The following SLC30A4 variants were observed in gnomAD, a reference collection of about 807,000 sequenced individuals.
SLC30A4 encodes the protein probable proton-coupled zinc antiporter SLC30A4.
A neutral mutation model predicts 41.7 loss-of-function variants in SLC30A4; 20 were observed. The ratio of observed to expected loss-of-function variants is 0.48; its 90% CI spans 0.34 to 0.70. The LOEUF (loss-of-function observed/expected upper bound fraction) is 0.70. Among genes scored for constraint, SLC30A4 ranks in the 30% least tolerant of loss-of-function variants. The pLI, the probability that SLC30A4 is intolerant of heterozygous loss-of-function variation, is 0.01. For missense variants in SLC30A4, 441 were observed against 529.3 expected (o/e 0.83, Z 1.64); for synonymous variants, 181 against 195.9 (o/e 0.92, Z 0.64).
rs372042001 is a variant in SLC30A4, at chr15:45,510,720, CA to C, written c.538+417del. On this transcript the variant is annotated intron_variant, in intron 3 of 7. Coordinates refer to ENST00000261867, the MANE Select transcript of SLC30A4 (RefSeq NM_013309.6). ...TTGATACGATGGCTGCAGTCAAGTT[CA>C]GCCACACAGCATACATTATACCTGT... Among the ~76,000 whole-genome samples the C allele has an allele frequency of 1.6e-3, 237 of 152,318 alleles. 7 individuals are homozygous for C. In the South Asian group the frequency reaches 0.045, roughly 29 times the overall value.
At chr15:45,494,901 G>A (rs937296686) in intron 3 of SLC30A4, among the ~76,000 whole-genome samples, 1 of 152,052 alleles carries the variant, frequency 6.6e-6, no homozygotes, top group African/African-American at 2.4e-5. Flanking sequence ...GCTCACACCT[G>A]TAATCCCTGC....
intron 2 of SLC30A4, 51 bp from the exon 3 acceptor site, chr15:45,511,335 G>T: frequency 2.2e-6 from 3 of 1,374,182 alleles, no homozygotes; most frequent in Non-Finnish European, 2.0e-6. Flanking sequence ...TTTTAAAAAA[G>T]CAAGCAATCA....
intron 3 of SLC30A4, among the ~76,000 whole-genome samples, chr15:45,501,658 G>A (rs1194504393): frequency 6.6e-5 from 10 of 151,886 alleles, no homozygotes; most frequent in African/African-American, 1.9e-4. Flanking sequence ...ATGCCACCAT[G>A]GCTGGCTAAT....
At chr15:45,511,860 T>C (rs750255956) in intron 2 of SLC30A4, among the ~76,000 whole-genome samples, 2 of 152,208 alleles carry the variant, frequency 1.3e-5, no homozygotes, top group South Asian at 2.1e-4. Flanking sequence ...GGCAAATATA[T>C]AGTGATTTTG....
Position 45,490,723 on chromosome 15 carries a change from CTTACA to C in SLC30A4, c.692_692+4del, listed in dbSNP as rs776223553. The C allele has an allele frequency of 1.3e-6, 2 of 1,587,930 alleles. No homozygotes were observed. The highest frequency in any genetic ancestry group is 1.7e-6 in the Non-Finnish European group (2 of 1,167,986). The stretch of plus-strand genomic sequence containing the variant: ...AAATATTAATGTGAAAAAAATAGAG[CTTACA>C]TTACATTAACTGCAACTCCAACAGC... On this transcript the variant is annotated splice_donor_variant and splice_donor_region_variant and coding_sequence_variant and intron_variant, in exon 4 of 8. Coordinates refer to ENST00000261867, the MANE Select transcript of SLC30A4 (RefSeq NM_013309.6). LOFTEE classifies it high-confidence loss of function.
rs1160728091 is a variant in SLC30A4 at position 45,480,820 on chromosome 15, G to A, written c.*4343C>T. 1 of 152,178 alleles carries A rather than the reference G, an allele frequency of 6.6e-6. No individual in the cohort carries two copies. Among genetic ancestry groups the A allele is most frequent in the East Asian group, 1.9e-4 (1 of 5,198 alleles). The allele number at this position is 152,178 out of a possible 1,614,324, so 9.4% of individuals were successfully genotyped here. A position where few individuals can be genotyped will look rare whatever the true frequency, so the allele number is the denominator to read the frequency against. On this transcript the variant is annotated 3_prime_UTR_variant, in exon 8 of 8. Coordinates refer to ENST00000261867, the MANE Select transcript of SLC30A4 (RefSeq NM_013309.6). ...AGCTGTGAGAGTGGCTGAGAAACAC[G>A]ACCCAAAGTCTTCTTAGCAATGATA...
intron 2 of SLC30A4, chr15:45,513,769 T>C (rs1416615638): frequency 6.6e-6 from 1 of 152,180 alleles, no homozygotes; most frequent in African/African-American, 2.4e-5. Flanking sequence ...CACTGGAGGA[T>C]ACAAAATGAG....
intron 2 of SLC30A4, chr15:45,520,953 TTG>T (rs1472940177): frequency 6.9e-6 from 3 of 437,628 alleles, no homozygotes; most frequent in African/African-American, 6.3e-5. Flanking sequence ...AAAAAGAGCT[TTG>T]TGAGTTGTAA....
intron 3 of SLC30A4, among the ~76,000 whole-genome samples, chr15:45,505,641 G>A (rs1163218004): frequency 6.6e-6 from 1 of 152,198 alleles, no homozygotes; most frequent in Non-Finnish European, 1.5e-5. Context: ...GTGATCTGGA[G>A]GTGGAACTCT....
intron 3 of SLC30A4, among the ~76,000 whole-genome samples, chr15:45,500,190 G>A (rs984625214): frequency 1.3e-5 from 2 of 152,082 alleles, no homozygotes; most frequent in African/African-American, 4.8e-5. Flanking sequence ...GAAAAATCTG[G>A]GTAAGATGAT....
rs940311492 is a variant in SLC30A4, at chr15:45,482,130, C to A, written c.*3033G>T. 1 of 128,424 alleles carries A rather than the reference C, an allele frequency of 7.8e-6. No homozygotes were observed. The highest frequency in any genetic ancestry group is 2.7e-4 in the East Asian group (1 of 3,720). 8.0% of individuals were successfully genotyped at this position (128,424 alleles called of 1,614,324 possible). ...TGTTTCTGTATTTTACAAAAGGATT[C>A]TTTTTGGCTGGGCACAGTGGTTCAT... On this transcript the variant is annotated 3_prime_UTR_variant, in exon 8 of 8. Transcript: ENST00000261867.
chr15:45,497,867 ACTAC>A (rs1023326392), intron 3 of SLC30A4, among the ~76,000 whole-genome samples: 25 of 152,294 alleles, frequency 1.6e-4, no homozygotes, highest in African/African-American at 6.0e-4. Context: ...ATACATATGT[ACTAC>A]CTATTTCCCC....
chr15:45,511,138 C>G lies in SLC30A4; in HGVS notation c.538G>C (p.Glu180Gln). Residue 180 changes from glutamate to glutamine, a missense_variant and splice_region_variant, in exon 3 of 8, where the codon GAG (glutamate) becomes CAG (glutamine). Glu to Gln is a conservative substitution (Grantham distance 29). Transcript: ENST00000261867. ...KRFTFGFHRL[E>Q]VLSAMISVLL... ...AGCAAAAGAAACACCAACTACCTAC[C>G]TAAGCGATGAAATCCAAAGGTGAAT... 6.2e-7 allele frequency: 1 copy of G among 1,612,138 alleles called. No homozygotes were observed. The highest frequency in any genetic ancestry group is 8.5e-7 in the Non-Finnish European group (1 of 1,178,948).
rs1384948446 is a variant in SLC30A4, at chr15:45,511,122, A to G, written c.538+16T>C. ...CTATAAAATATTATAAAGCAAAAGA[A>G]ACACCAACTACCTACCTAAGCGATG... On this transcript the variant is annotated intron_variant, in intron 3 of 7. Transcript: ENST00000261867. 1 of 1,604,016 alleles carries G rather than the reference A, an allele frequency of 6.2e-7. No individual in the cohort carries two copies. The highest frequency in any genetic ancestry group is 2.2e-5 in the East Asian group (1 of 44,798).
At chr15:45,491,688 C>T (rs544807362) in intron 3 of SLC30A4, among the ~76,000 whole-genome samples, 29 of 152,148 alleles carry the variant, frequency 1.9e-4, no homozygotes, top group African/African-American at 9.6e-5. Flanking sequence ...ACAAGAGGAT[C>T]AAGACTCTAT....
intron 3 of SLC30A4, among the ~76,000 whole-genome samples, chr15:45,497,685 ATTG>A (rs1891934918): frequency 6.6e-6 from 1 of 152,170 alleles, no homozygotes; most frequent in Non-Finnish European, 1.5e-5. Context: ...CTATATGAAA[ATTG>A]TTTACTGCAT....
Position 45,485,231 on chromosome 15 carries a change from T to C in SLC30A4, c.1222A>G (p.Ile408Val), listed in dbSNP as rs1283464439. ...TCTTGCCTGTAACTCTGAAGCTGAATAGTACATCTATACATGCCAAATGTG... is the reference window on the plus strand; with the variant it reads ...TCTTGCCTGTAACTCTGAAGCTGAACAGTACATCTATACATGCCAAATGTG... ...LNTFGMYRCT[I>V]QLQSYRQEVD... The change falls in exon 8 of 8, where the codon ATT becomes GTT. Residue 408 changes from isoleucine (I) to valine (V), a missense_variant. Physicochemically the swap from Ile to Val is conservative, Grantham distance 29. Transcript: ENST00000261867. 1.2e-6 allele frequency: 2 copies of C among 1,613,004 alleles called. No individual in the cohort carries two copies. Among genetic ancestry groups the C allele is most frequent in the African/African-American group, 1.3e-5 (1 of 75,050 alleles).
intron 2 of SLC30A4, chr15:45,520,874 C>T (rs1892645765): frequency 2.7e-6 from 1 of 369,098 alleles, no homozygotes; most frequent in African/African-American, 2.1e-5. Flanking sequence ...TTTCTTACTA[C>T]AGTGAGGTCA....
At chr15:45,517,127 T>C (rs558554609) in intron 2 of SLC30A4, among the ~76,000 whole-genome samples, 6 of 152,136 alleles carry the variant, frequency 3.9e-5, no homozygotes, top group African/African-American at 1.4e-4. Context: ...AACCTATTTA[T>C]TTCCACTTTG....
Sources: gnomAD v4.1 joint callset for allele counts (sites outside exome capture counted in the v4.1 genomes callset) on GRCh38, gnomAD v4.1.1 for gene constraint, MANE v1.5 for transcripts, NCBI Gene and HGNC (gene_info 2026-07-23, HGNC 2026-07-21) for gene names.